The following ATP8B4 variants were observed in gnomAD, a reference collection of about 807,000 sequenced individuals.
ATP8B4 encodes probable phospholipid-transporting ATPase IM.
In ATP8B4, 133 loss-of-function variants were observed where a neutral mutation model predicts 145.6. The ratio of observed to expected loss-of-function variants is 0.91; its 90% CI spans 0.79 to 1.05. The LOEUF is 1.05. Ranked by LOEUF, ATP8B4 falls within the 50% of genes least tolerant of loss-of-function variation. The pLI, the probability that ATP8B4 is intolerant of heterozygous loss-of-function variation, is 0.00. For synonymous variants in ATP8B4, 507 were observed against 492.9 expected (o/e 1.03, Z -0.38); for missense variants, 1,458 against 1,425.2 (o/e 1.02, Z -0.37).
At chr15:49,861,468 AT>A (rs1566884557) in intron 27 of ATP8B4, among the ~76,000 whole-genome samples, 3 of 149,234 alleles carry the variant, frequency 2.0e-5, no homozygotes, top group African/African-American at 7.5e-5. Flanking sequence ...CTATCTATCT[AT>A]CTATCTACCT....
upstream of ATP8B4, among the ~76,000 whole-genome samples, chr15:50,120,204 A>C (rs2153677777): frequency 6.6e-6 from 1 of 152,186 alleles, no homozygotes; most frequent in Middle Eastern, 3.4e-3. Context: ...ACTCTCCTGG[A>C]ACATCCTCAC....
intron 14 of ATP8B4, among the ~76,000 whole-genome samples, chr15:49,960,654 A>G (rs954295323): frequency 6.6e-6 from 1 of 152,234 alleles, no homozygotes; most frequent in Non-Finnish European, 1.5e-5. Context: ...GATAAACTCA[A>G]TTACATGAAA....
intron 6 of ATP8B4, among the ~76,000 whole-genome samples, chr15:50,025,989 T>G (rs1364251956): frequency 6.6e-6 from 1 of 152,254 alleles, no homozygotes; most frequent in East Asian, 1.9e-4. Flanking sequence ...AATTGTCTCC[T>G]GACACCTTTT....
intron 14 of ATP8B4, among the ~76,000 whole-genome samples, chr15:49,960,858 C>T (rs1323626489): frequency 4.6e-5 from 7 of 152,144 alleles, no homozygotes; most frequent in Non-Finnish European, 1.0e-4. Flanking sequence ...AGAGGCCGGG[C>T]GCAGTGGCTC....
At chr15:49,904,826 A>G (rs2038424141) in intron 20 of ATP8B4, among the ~76,000 whole-genome samples, 1 of 152,262 alleles carries the variant, frequency 6.6e-6, no homozygotes, top group South Asian at 2.1e-4. Flanking sequence ...AAGAAGAAAT[A>G]TCAATTCCTA....
chr15:50,047,136 T>C (rs1407728452), intron 4 of ATP8B4, among the ~76,000 whole-genome samples: 1 of 152,214 alleles, frequency 6.6e-6, no homozygotes, highest in Non-Finnish European at 1.5e-5. Flanking sequence ...TGTTTTAAAG[T>C]GACCTCAGTG....
chr15:49,920,374 C>T lies in ATP8B4; in HGVS notation c.1795G>A (p.Ala599Thr), dbSNP rs748504233. 18 of 1,614,014 alleles carry T rather than the reference C, an allele frequency of 1.1e-5. No homozygotes were observed. The highest frequency in any genetic ancestry group is 8.8e-5 in the South Asian group (8 of 91,078). Reference sequence around the variant, plus strand: ...TACTTGTCATCCAGGTCTCTGTATGCGATGGCCAAGGTCCGAAGGCCTTCC... The same window carrying T: ...TACTTGTCATCCAGGTCTCTGTATGTGATGGCCAAGGTCCGAAGGCCTTCC... ...AGEGLRTLAIAYRDLDDKYFK... is the reference protein window; with the variant it reads ...AGEGLRTLAITYRDLDDKYFK... Residue 599 changes from alanine to threonine, a missense_variant, in exon 18 of 28, where the codon GCA (alanine) becomes ACA (threonine). Transcript: ENST00000284509.
At chr15:49,956,163 T>C (rs2043541219) in intron 14 of ATP8B4, among the ~76,000 whole-genome samples, 1 of 152,188 alleles carries the variant, frequency 6.6e-6, no homozygotes, top group Non-Finnish European at 1.5e-5. Flanking sequence ...ATCCCTGTAA[T>C]AATGTCTTTT....
At chr15:49,975,516 T>C (rs991888840) in intron 12 of ATP8B4, among the ~76,000 whole-genome samples, 12 of 152,168 alleles carry the variant, frequency 7.9e-5, no homozygotes, top group African/African-American at 2.9e-4. Flanking sequence ...AAGAAAAAAC[T>C]CTGTACATGT....
chr15:50,014,601 T>G (rs1189034505), intron 6 of ATP8B4, among the ~76,000 whole-genome samples: 3 of 152,158 alleles, frequency 2.0e-5, no homozygotes, highest in Non-Finnish European at 4.4e-5. Context: ...AATTTGAATT[T>G]CAGATAAACA....
intron 2 of ATP8B4, among the ~76,000 whole-genome samples, chr15:50,097,171 A>C (rs1009430313): frequency 6.6e-6 from 1 of 152,020 alleles, no homozygotes; most frequent in Non-Finnish European, 1.5e-5. Flanking sequence ...AAGAAATAAC[A>C]CTCTTTAAAC....
chr15:49,860,003 C>T lies in ATP8B4; in HGVS notation c.*191G>A, dbSNP rs1566879714. 8.5e-6 allele frequency: 5 copies of T among 590,390 alleles called. No individual in the cohort carries two copies. Among genetic ancestry groups the T allele is most frequent in the Non-Finnish European group, 1.4e-5 (5 of 358,212 alleles). 36.6% of individuals were successfully genotyped at this position (590,390 alleles called of 1,614,324 possible). On this transcript the variant is annotated 3_prime_UTR_variant, in exon 28 of 28. Transcript: ENST00000284509. The stretch of plus-strand genomic sequence containing the variant: ...CACCAAATCACAAACCAGACAGTGA[C>T]CCTCTGGCCTGGTTTTCCATAGCGC...
chr15:50,058,262 G>A (rs2052749313), intron 3 of ATP8B4, among the ~76,000 whole-genome samples: 1 of 152,166 alleles, frequency 6.6e-6, no homozygotes, highest in African/African-American at 2.4e-5. Flanking sequence ...TAGGGATCTT[G>A]TATGATCAGA....
At chr15:49,941,264 AGAG>A (rs1163362881) in intron 14 of ATP8B4, among the ~76,000 whole-genome samples, 1 of 152,160 alleles carries the variant, frequency 6.6e-6, no homozygotes, top group East Asian at 1.9e-4. Context: ...TCAACTGTCA[AGAG>A]GAGGTTCCTG....
At chr15:50,096,937 A>G (rs1048180400) in intron 2 of ATP8B4, among the ~76,000 whole-genome samples, 5 of 152,214 alleles carry the variant, frequency 3.3e-5, no homozygotes, top group African/African-American at 1.2e-4. Context: ...TGTCTTATGT[A>G]TGTCACTCGC....
At chr15:50,100,266 TATC>T (rs907214584) in intron 2 of ATP8B4, among the ~76,000 whole-genome samples, 1 of 152,140 alleles carries the variant, frequency 6.6e-6, no homozygotes, top group Non-Finnish European at 1.5e-5. Context: ...TGAGATAAAA[TATC>T]ATCTCTGCAT....
At chr15:49,874,984 AAG>A (rs1566908904) in intron 25 of ATP8B4, among the ~76,000 whole-genome samples, 1 of 152,362 alleles carries the variant, frequency 6.6e-6, no homozygotes. Context: ...AGCAAAAAAA[AAG>A]AGAAAAAGAT....
intron 20 of ATP8B4, among the ~76,000 whole-genome samples, chr15:49,909,083 C>T (rs1278431182): frequency 6.6e-6 from 1 of 152,152 alleles, no homozygotes; most frequent in African/African-American, 2.4e-5. Context: ...TACCACTGGA[C>T]AGCGGGGAGA....
chr15:50,057,481 T>C (rs1399560010), intron 3 of ATP8B4, among the ~76,000 whole-genome samples: 1 of 152,216 alleles, frequency 6.6e-6, no homozygotes, highest in Non-Finnish European at 1.5e-5. Flanking sequence ...CTGGCCCTCA[T>C]CCGACATCCT....
Sources: gnomAD v4.1 joint callset for allele counts (sites outside exome capture counted in the v4.1 genomes callset) on GRCh38, gnomAD v4.1.1 for gene constraint, MANE v1.5 for transcripts, NCBI Gene and HGNC (gene_info 2026-07-23, HGNC 2026-07-21) for gene names.